Variants in AKAP10 observed in about 807,000 individuals in gnomAD.
The protein encoded by AKAP10 is A-kinase anchoring protein 10, also known as A-kinase anchor protein 10, mitochondrial.
In AKAP10, 24 loss-of-function variants were observed where a neutral mutation model predicts 80.8. The ratio of observed to expected loss-of-function variants is 0.30; its 90% confidence interval spans 0.22 to 0.42. AKAP10 has a LOEUF of 0.42. Ranked by LOEUF, AKAP10 falls within the 10% of genes least tolerant of loss-of-function variation. The probability of loss-of-function intolerance (pLI) is 1.00; values close to 1 mark genes in which losing one functional copy is unlikely to be tolerated. For missense variants in AKAP10, 661 were observed against 794.9 expected, an observed-to-expected ratio of 0.83 and a Z score of 2.03; for synonymous variants, 291 against 277.7, an observed-to-expected ratio of 1.05 and a Z score of -0.48.
chr17:19,935,042 C>A (rs969581253), intron 9 of AKAP10, among the ~76,000 whole-genome samples: 15 of 151,640 alleles, frequency 9.9e-5, no homozygotes, highest in Admixed American at 6.6e-4. Context: ...AATCAATAAA[C>A]AGAATTTCCG....
At chr17:19,907,019 T>G (rs1406674623) in intron 14 of AKAP10, among the ~76,000 whole-genome samples, 1 of 145,184 alleles carries the variant, frequency 6.9e-6, no homozygotes, top group African/African-American at 2.8e-5. Context: ...CTACTGTTTT[T>G]TTTTGTTTTT....
chr17:19,963,388 A>G (rs1193581336), intron 2 of AKAP10, among the ~76,000 whole-genome samples: 1 of 151,868 alleles, frequency 6.6e-6, no homozygotes, highest in Non-Finnish European at 1.5e-5. Flanking sequence ...GCCAGAAAAC[A>G]TTCTAATATT....
In AKAP10 at chr17:19,958,189, A is replaced by G; in HGVS notation, c.702T>C (p.Asn234=). The change falls in exon 4 of 15, where the codon AAT becomes AAC. Residue 234 remains asparagine, a synonymous_variant. Coordinates refer to ENST00000225737, the MANE Select transcript of AKAP10 (RefSeq NM_007202.4). Reference sequence around the variant, plus strand: ...CACATTCCTGGGAAAGCAGCAAGTGATTCTGAGTGCTGTTAGTTCTATTAT... The same window carrying G: ...CACATTCCTGGGAAAGCAGCAAGTGGTTCTGAGTGCTGTTAGTTCTATTAT... ...DLNNRTNSTQ[N]HLLLSQECDS... 1 of 1,614,190 alleles carries G rather than the reference A, an allele frequency of 6.2e-7. No homozygotes were observed. Among genetic ancestry groups the G allele is most frequent in the Non-Finnish European group, 8.5e-7 (1 of 1,180,042 alleles).
chr17:19,922,533 A>G (rs918067851), intron 11 of AKAP10, among the ~76,000 whole-genome samples: 3 of 152,208 alleles, frequency 2.0e-5, no homozygotes, highest in Non-Finnish European at 2.9e-5. Flanking sequence ...AGTGTGAGCC[A>G]CTGCGCCTGG....
chr17:19,910,343 C>A lies in AKAP10; in HGVS notation c.1835-365G>T, dbSNP rs1488790545. Among the ~76,000 whole-genome samples, 63 of 106,082 alleles carry A rather than the reference C, an allele frequency of 5.9e-4. 2 individuals are homozygous for A. The highest frequency in any genetic ancestry group is 5.2e-3 in the Admixed American group (56 of 10,794). The allele number at this position is 106,082 out of a possible 152,430, so 69.6% of individuals were successfully genotyped here. On this transcript the variant is annotated intron_variant, in intron 12 of 14. Transcript: ENST00000225737. ...TCCAACTCAAAAAAAAAAAAAAAAA[C>A]CACTATCACCACCACCACCACAATG... is the stretch of plus-strand genomic sequence containing the variant.
chr17:19,969,580 T>C (rs1447367794), intron 1 of AKAP10, among the ~76,000 whole-genome samples: 1 of 152,044 alleles, frequency 6.6e-6, no homozygotes, highest in Admixed American at 6.6e-5. Flanking sequence ...AGGAAAAGGT[T>C]ATCAAAATAA....
chr17:19,963,298 C>T (rs2043376375), intron 2 of AKAP10, among the ~76,000 whole-genome samples: 1 of 150,364 alleles, frequency 6.7e-6, no homozygotes, highest in African/African-American at 2.5e-5. Context: ...TCACTGCAAC[C>T]TCTGCCTCCC....
chr17:19,945,829 T>C (rs913203513), intron 5 of AKAP10, among the ~76,000 whole-genome samples: 1 of 152,086 alleles, frequency 6.6e-6, no homozygotes, highest in Non-Finnish European at 1.5e-5. Flanking sequence ...AAATCACAAA[T>C]ACTAACTTTT....
At chr17:19,914,628 C>CAAAAAAAAAAAAAAAAAAAAAAAAA (rs36071856) in intron 12 of AKAP10, among the ~76,000 whole-genome samples, 1 of 58,516 alleles carries the variant, frequency 1.7e-5, no homozygotes, top group East Asian at 6.9e-4. Flanking sequence ...GACCCTATCT[C>CAAAAAAAAAAAAAAAAAAAAAAAAA]AAAAAAAAAA....
chr17:19,923,374 G>A (rs1034230109), intron 11 of AKAP10, among the ~76,000 whole-genome samples: 4 of 152,034 alleles, frequency 2.6e-5, no homozygotes, highest in African/African-American at 4.8e-5. Flanking sequence ...CACCGTGCCC[G>A]GCCTTGTCCG....
intron 4 of AKAP10, among the ~76,000 whole-genome samples, chr17:19,956,418 A>C (rs2043276274): frequency 6.6e-6 from 1 of 152,214 alleles, no homozygotes; most frequent in South Asian, 2.1e-4. Context: ...GGTCCACAAA[A>C]AACTGTAGAT....
chr17:19,955,194 CT>C (rs2043260627), intron 4 of AKAP10, among the ~76,000 whole-genome samples: 1 of 151,336 alleles, frequency 6.6e-6, no homozygotes, highest in Admixed American at 6.6e-5. Context: ...TGCACTCCAG[CT>C]CGGGCGACAG....
chr17:19,947,076 G>A (rs1438437528), intron 5 of AKAP10: 11 of 253,702 alleles, frequency 4.3e-5, no homozygotes, highest in South Asian at 1.1e-4. Flanking sequence ...CGCCCACTTC[G>A]TGCACTGGTG....
At position 19,939,378 on chromosome 17, in the gene AKAP10, G is replaced by T. The variant is rs77874269; in HGVS notation, c.1322+335C>A. 5.3e-3 allele frequency among the ~76,000 whole-genome samples: 808 copies of T among 152,080 alleles called. 16 individuals are homozygous for T. The East Asian group carries it at 0.074, about 14-fold the overall frequency. On this transcript the variant is annotated intron_variant, in intron 8 of 14. Transcript: ENST00000225737. Reference sequence around the variant, plus strand: ...TTCCCCTACGTTTCCATGGCTTCTGGGCCAATGCCTTTGCCTAGAATGTTG... The same window carrying T: ...TTCCCCTACGTTTCCATGGCTTCTGTGCCAATGCCTTTGCCTAGAATGTTG...
chr17:19,910,079 G>T, intron 12 of AKAP10, 101 bp from the exon 13 acceptor site: 1 of 1,192,964 alleles, frequency 8.4e-7, no homozygotes, highest in Non-Finnish European at 1.2e-6. Flanking sequence ...TGTAATTCCA[G>T]CACTTTGGGA....
intron 9 of AKAP10, among the ~76,000 whole-genome samples, chr17:19,933,203 G>C (rs2042956622): frequency 6.6e-6 from 1 of 152,072 alleles, no homozygotes; most frequent in Non-Finnish European, 1.5e-5. Context: ...ATTTTTAGTA[G>C]AGACGGGGTT....
chr17:19,958,517 G>A lies in AKAP10; in HGVS notation c.374C>T (p.Thr125Ile). 1 of 1,610,668 alleles carries A rather than the reference G, an allele frequency of 6.2e-7. No individual in the cohort carries two copies. Among genetic ancestry groups the A allele is most frequent in the Non-Finnish European group, 8.5e-7 (1 of 1,179,998 alleles). Residue 125 changes from threonine (T) to isoleucine (I), a missense_variant, in exon 4 of 15, where the codon ACC (threonine) becomes ATC (isoleucine). By Grantham distance (89) the Thr-to-Ile change is moderately conservative. Transcript: ENST00000225737. ...AGTGTCGTGCAAGACTTGTTCAAGG[G>A]TCTTAGAAAGGCTTGATTTGGTCTC... ...TQETKSSLSK[T>I]LEQVLHDTIV...
intron 4 of AKAP10, among the ~76,000 whole-genome samples, chr17:19,948,232 G>A (rs1326077045): frequency 6.6e-6 from 1 of 152,074 alleles, no homozygotes; most frequent in East Asian, 1.9e-4. Context: ...GGAAGCAGGT[G>A]GACTGAGAAA....
intron 4 of AKAP10, 69 bp downstream of exon 4, chr17:19,957,945 A>G: frequency 1.4e-6 from 2 of 1,422,992 alleles, no homozygotes; most frequent in Non-Finnish European, 1.9e-6. Flanking sequence ...CCTCATCTGA[A>G]GTTCTGCTTA....
Sources: gnomAD v4.1 joint callset for allele counts (sites outside exome capture counted in the v4.1 genomes callset) on GRCh38, gnomAD v4.1.1 for gene constraint, MANE v1.5 for transcripts, NCBI Gene and HGNC (gene_info 2026-07-23, HGNC 2026-07-21) for gene names.